Variants in EYA3 observed in about 807,000 individuals in gnomAD.
EYA3 encodes EYA transcriptional coactivator and phosphatase 3.
A neutral mutation model predicts 80.0 loss-of-function variants in EYA3; 39 were observed. That is an observed-to-expected ratio of 0.49 (90% CI 0.38 to 0.64). EYA3 has a LOEUF of 0.64. Ranked by LOEUF, EYA3 falls within the 30% of genes least tolerant of loss-of-function variation. The pLI, the probability that EYA3 is intolerant of heterozygous loss-of-function variation, is 0.00. For missense variants in EYA3, 523 were observed against 676.1 expected, an observed-to-expected ratio of 0.77 and a Z score of 2.51; for synonymous variants, 206 against 232.8, an observed-to-expected ratio of 0.88 and a Z score of 1.05.
At position 27,992,288 on chromosome 1, in the gene EYA3, C is replaced by T. The variant is rs146982383; in HGVS notation, c.1303+1112G>A. On this transcript the variant is annotated intron_variant, in intron 14 of 17. Coordinates refer to ENST00000373871, the MANE Select transcript of EYA3 (RefSeq NM_001990.4). Reference sequence around the variant, plus strand: ...GACCTGGGTGGGGGGCGAGAGGTTTCGAGATGAAATTGTTCCACCTCAGAT... The same window carrying T: ...GACCTGGGTGGGGGGCGAGAGGTTTTGAGATGAAATTGTTCCACCTCAGAT... Among the ~76,000 whole-genome samples, 10 of 152,214 alleles carry T rather than the reference C, an allele frequency of 6.6e-5. No homozygotes were observed. In the East Asian group the frequency reaches 9.6e-4, roughly 15 times the overall value.
chr1:28,057,348 G>C (rs1016064543), intron 2 of EYA3, among the ~76,000 whole-genome samples: 2 of 151,992 alleles, frequency 1.3e-5, no homozygotes, highest in Non-Finnish European at 2.9e-5. Context: ...ATAGCAAATT[G>C]AATCGGTATT....
intron 6 of EYA3, among the ~76,000 whole-genome samples, chr1:28,029,566 C>G (rs537457092): frequency 2.0e-5 from 3 of 150,336 alleles, no homozygotes; most frequent in Non-Finnish European, 4.4e-5. Flanking sequence ...TTTGGCTACA[C>G]AAAAGCCTAC....
chr1:28,035,996 G>A (rs1643432994), intron 5 of EYA3, among the ~76,000 whole-genome samples: 1 of 152,050 alleles, frequency 6.6e-6, no homozygotes, highest in South Asian at 2.1e-4. Context: ...TGTATTTTTA[G>A]TAGAGACGGT....
At chr1:28,087,067 T>C (rs1174058260) in intron 1 of EYA3, among the ~76,000 whole-genome samples, 1 of 152,206 alleles carries the variant, frequency 6.6e-6, no homozygotes, top group Non-Finnish European at 1.5e-5. Flanking sequence ...CATACTGAAG[T>C]ACTACATTTT....
chr1:27,994,266 T>C (rs1371596206), intron 13 of EYA3, among the ~76,000 whole-genome samples: 1 of 152,168 alleles, frequency 6.6e-6, no homozygotes, highest in Non-Finnish European at 1.5e-5. Flanking sequence ...TGGAGAGGTA[T>C]GTGTAATGAG....
At chr1:28,018,768 A>C (rs550130276) in intron 7 of EYA3, among the ~76,000 whole-genome samples, 1 of 152,372 alleles carries the variant, frequency 6.6e-6, no homozygotes, top group African/African-American at 2.4e-5. Flanking sequence ...ACTTGTCCAC[A>C]GCAGCAAAAA....
intron 16 of EYA3, among the ~76,000 whole-genome samples, chr1:27,987,626 C>T (rs1337715240): frequency 6.6e-6 from 1 of 152,020 alleles, no homozygotes; most frequent in Non-Finnish European, 1.5e-5. Flanking sequence ...ACAGTTGCAT[C>T]ATTTTATAAT....
At chr1:28,044,894 C>T (rs1254901947) in intron 3 of EYA3, among the ~76,000 whole-genome samples, 2 of 152,192 alleles carry the variant, frequency 1.3e-5, no homozygotes, top group Middle Eastern at 3.4e-3. Context: ...ACCTCATCCT[C>T]CGAAGTAGCT....
Position 27,985,964 on chromosome 1 carries a change from A to G in EYA3, c.1540+2571T>C, listed in dbSNP as rs968340884. Among the ~76,000 whole-genome samples, 11 of 152,312 alleles carry G rather than the reference A, an allele frequency of 7.2e-5. No homozygotes were observed. In the East Asian group the frequency reaches 2.1e-3, roughly 29 times the overall value. On this transcript the variant is annotated intron_variant, in intron 16 of 17. Coordinates refer to ENST00000373871, the MANE Select transcript of EYA3 (RefSeq NM_001990.4). ...TAATCTGCCTAAGGTGAGAGCTAGTAGTAGGGAGGCCAGGACTTAAATCCT... is the reference window on the plus strand; with the variant it reads ...TAATCTGCCTAAGGTGAGAGCTAGTGGTAGGGAGGCCAGGACTTAAATCCT...
At chr1:28,022,571 G>A (rs1557581244) in intron 7 of EYA3, among the ~76,000 whole-genome samples, 1 of 152,126 alleles carries the variant, frequency 6.6e-6, no homozygotes, top group Non-Finnish European at 1.5e-5. Context: ...ACTCAACACA[G>A]ATACAGATTA....
At chr1:28,003,472 A>AAAACAAACAAACAAACAAAC (rs111781878) in intron 11 of EYA3, among the ~76,000 whole-genome samples, 3 of 152,046 alleles carry the variant, frequency 2.0e-5, no homozygotes, top group African/African-American at 2.4e-5. Flanking sequence ...TCTCTCTCAA[A>AAAACAAACAAACAAACAAAC]AAACAAACAA....
intron 16 of EYA3, among the ~76,000 whole-genome samples, chr1:27,980,419 C>T (rs1390901659): frequency 1.3e-5 from 2 of 152,114 alleles, no homozygotes; most frequent in Non-Finnish European, 2.9e-5. Flanking sequence ...AAGGCAGTAA[C>T]TCATATTTTG....
intron 9 of EYA3, among the ~76,000 whole-genome samples, chr1:28,012,729 A>G (rs952320732): frequency 1.3e-5 from 2 of 152,226 alleles, no homozygotes; most frequent in Non-Finnish European, 1.5e-5. Flanking sequence ...GATCCTGGAC[A>G]TAGAAAGAAC....
At chr1:28,060,891 G>A (rs1644598439) in intron 1 of EYA3, among the ~76,000 whole-genome samples, 1 of 152,206 alleles carries the variant, frequency 6.6e-6, no homozygotes, top group Non-Finnish European at 1.5e-5. Flanking sequence ...GCGCAAGCCT[G>A]TAGTCCCAGC....
chr1:28,084,586 TATATATATA>T lies in EYA3; in HGVS notation c.-69+3929_-69+3937del, dbSNP rs1460974584. Among the ~76,000 whole-genome samples, 66 of 18,364 alleles carry T rather than the reference TATATATATA, an allele frequency of 3.6e-3. 1 individual carries two copies. Among genetic ancestry groups the T allele is most frequent in the South Asian group, 4.5e-3 (2 of 440 alleles). 12.0% of individuals were successfully genotyped at this position (18,364 alleles called of 152,430 possible). On this transcript the variant is annotated intron_variant, in intron 1 of 17. Coordinates refer to ENST00000373871, the MANE Select transcript of EYA3 (RefSeq NM_001990.4). ...ATATATATATATATATATATATATA[TATATATATA>T]TTTTTTTTTTTTTTTTTTTTTTTTT...
chr1:27,974,378 A>G lies in EYA3; in HGVS notation c.*88T>C. 2.2e-6 allele frequency: 2 copies of G among 902,176 alleles called. No homozygotes were observed. The allele number at this position is 902,176 out of a possible 1,614,324, so 55.9% of individuals were successfully genotyped here. A position where few individuals can be genotyped will look rare whatever the true frequency, so the allele number is the denominator to read the frequency against. ...TAGAGACAGAGACACAGAGAGAGAC[A>G]GACAGAGAAAGTTCTCAGTTGGTTC... On this transcript the variant is annotated 3_prime_UTR_variant, in exon 18 of 18. Transcript: ENST00000373871.
intron 16 of EYA3, 37 bp from the exon 17 acceptor site, chr1:27,978,511 TCTC>T (rs1233634750): frequency 6.4e-7 from 1 of 1,555,546 alleles, no homozygotes; most frequent in East Asian, 2.2e-5. Context: ...AGAATACTCT[TCTC>T]TTCTTTTCAA....
At chr1:28,080,831 A>G (rs1223268250) in intron 1 of EYA3, among the ~76,000 whole-genome samples, 1 of 151,684 alleles carries the variant, frequency 6.6e-6, no homozygotes. Context: ...GCTCACTGCA[A>G]CCTCCGCCTC....
intron 13 of EYA3, among the ~76,000 whole-genome samples, chr1:27,995,764 GAATA>G (rs1162841925): frequency 6.6e-6 from 1 of 151,722 alleles, no homozygotes; most frequent in Non-Finnish European, 1.5e-5. Context: ...TTAATAAAAT[GAATA>G]AATTAAAATA....
Sources: gnomAD v4.1 joint callset for allele counts (sites outside exome capture counted in the v4.1 genomes callset) on GRCh38, gnomAD v4.1.1 for gene constraint, MANE v1.5 for transcripts, NCBI Gene and HGNC (gene_info 2026-07-23, HGNC 2026-07-21) for gene names.